Variants in SLC14A2 observed in about 807,000 individuals in gnomAD.
SLC14A2 encodes the protein urea transporter 2.
SLC14A2 carries 91 observed loss-of-function variants against 104.6 expected under a neutral mutation model. The observed-to-expected ratio is 0.87, with a 90% CI of 0.73 to 1.04. The LOEUF (loss-of-function observed/expected upper bound fraction) is 1.04, where lower values mean the gene tolerates loss of function less well. SLC14A2 is among the 50% of genes least tolerant of loss of function. The pLI, the probability that SLC14A2 is intolerant of heterozygous loss-of-function variation, is 0.00. For synonymous variants in SLC14A2, 476 were observed against 466.4 expected (o/e 1.02, Z -0.27); for missense variants, 1,189 against 1,156.0 (o/e 1.03, Z -0.41).
chr18:45,292,665 G>T (rs1288386320), intron 1 of SLC14A2, among the ~76,000 whole-genome samples: 1 of 152,160 alleles, frequency 6.6e-6, no homozygotes, highest in East Asian at 1.9e-4. Context: ...ATGGGAAATT[G>T]ATAACTCCCT....
At chr18:45,638,111 TC>T (rs1426126685) in intron 6 of SLC14A2, among the ~76,000 whole-genome samples, 3 of 152,162 alleles carry the variant, frequency 2.0e-5, no homozygotes, top group Non-Finnish European at 4.4e-5. Flanking sequence ...GGACGTGAAC[TC>T]CCCTCAGCAT....
intron 2 of SLC14A2, among the ~76,000 whole-genome samples, chr18:45,591,367 G>A (rs141642649): frequency 0.019 from 2,815 of 152,104 alleles, 89 homozygotes; most frequent in African/African-American, 0.062. Flanking sequence ...ATGGAGTCTC[G>A]CTCTGTTGCC....
At chr18:45,346,771 A>AGCCAACATGGTGAAACCCC (rs2144296198) in intron 1 of SLC14A2, among the ~76,000 whole-genome samples, 1 of 151,972 alleles carries the variant, frequency 6.6e-6, no homozygotes, top group Admixed American at 6.6e-5. Context: ...GGTGAAACCC[A>AGCCAACATGGTGAAACCCC]GCCAACATGG....
intron 1 of SLC14A2, among the ~76,000 whole-genome samples, chr18:45,259,356 T>G (rs1278044418): frequency 6.6e-6 from 1 of 152,138 alleles, no homozygotes; most frequent in African/African-American, 2.4e-5. Context: ...GAAACAGCAT[T>G]TGGATAATTC....
intron 1 of SLC14A2, among the ~76,000 whole-genome samples, chr18:45,268,469 G>A (rs2084615561): frequency 6.6e-6 from 1 of 152,228 alleles, no homozygotes; most frequent in Non-Finnish European, 1.5e-5. Context: ...CACCTTGAGT[G>A]CTTTGTTTCA....
chr18:45,669,859 C>T (rs1041389477), intron 16 of SLC14A2, among the ~76,000 whole-genome samples: 2 of 152,242 alleles, frequency 1.3e-5, no homozygotes, highest in Admixed American at 1.3e-4. Flanking sequence ...TTACAGCTTG[C>T]GTTGTGCATT....
chr18:45,679,189 C>A (rs2046276671), intron 19 of SLC14A2, among the ~76,000 whole-genome samples, 165 bp downstream of exon 19: 1 of 152,162 alleles, frequency 6.6e-6, no homozygotes, highest in Non-Finnish European at 1.5e-5. Context: ...CAGAGGGAGC[C>A]AGGCCCCAAA....
At chr18:45,262,386 T>C (rs1392793325) in intron 1 of SLC14A2, among the ~76,000 whole-genome samples, 1 of 152,058 alleles carries the variant, frequency 6.6e-6, no homozygotes, top group Non-Finnish European at 1.5e-5. Context: ...TGGGAAACAC[T>C]GTGATGTCCA....
At position 45,494,555 on chromosome 18, in the gene SLC14A2, G is replaced by A. The variant is rs1443938147; in HGVS notation, c.-35+11233G>A. On this transcript the variant is annotated intron_variant, in intron 2 of 20. Coordinates refer to the SLC14A2 transcript ENST00000586448. ...TGGGATCACAGGCACATGCCACCATGCCCAGAAAAAAAATTTTTTTTTTTT... is the reference window on the plus strand; with the variant it reads ...TGGGATCACAGGCACATGCCACCATACCCAGAAAAAAAATTTTTTTTTTTT... Among the ~76,000 whole-genome samples the A allele has an allele frequency of 3.3e-5, 5 of 151,878 alleles. No individual in the cohort carries two copies. In the East Asian group the frequency reaches 7.7e-4, roughly 23 times the overall value.
At chr18:45,558,830 C>T (rs2044165787) in intron 2 of SLC14A2, among the ~76,000 whole-genome samples, 2 of 151,478 alleles carry the variant, frequency 1.3e-5, no homozygotes, top group African/African-American at 2.4e-5. Context: ...CTCACTCTGT[C>T]GCCAGGCTGG....
chr18:45,651,500 C>T (rs996502491), intron 10 of SLC14A2, among the ~76,000 whole-genome samples: 3 of 152,188 alleles, frequency 2.0e-5, no homozygotes, highest in Admixed American at 1.3e-4. Flanking sequence ...GAGTGATAAG[C>T]AAATGGACTT....
chr18:45,340,746 A>T (rs1365217348), intron 1 of SLC14A2, among the ~76,000 whole-genome samples: 3 of 152,212 alleles, frequency 2.0e-5, no homozygotes, highest in African/African-American at 7.2e-5. Context: ...TTTGTCAGAA[A>T]GGGGATCCTG....
At chr18:45,399,870 C>T (rs1356477558) in intron 1 of SLC14A2, among the ~76,000 whole-genome samples, 2 of 152,034 alleles carry the variant, frequency 1.3e-5, no homozygotes, top group Non-Finnish European at 2.9e-5. Flanking sequence ...ACCCCATCAA[C>T]CCCCTCTTCC....
At chr18:45,515,300 A>G (rs989480195) in intron 2 of SLC14A2, 1 of 152,252 alleles carries the variant, frequency 6.6e-6, no homozygotes, top group Admixed American at 6.5e-5. Flanking sequence ...AATGAATTTT[A>G]AGGAGCAATG....
intron 1 of SLC14A2, among the ~76,000 whole-genome samples, chr18:45,345,018 T>G (rs1391136062): frequency 6.6e-6 from 1 of 152,116 alleles, no homozygotes; most frequent in African/African-American, 2.4e-5. Flanking sequence ...CTGAAGAAAG[T>G]GTTGGACGTG....
At chr18:45,265,103 AC>A (rs749005231) in intron 1 of SLC14A2, among the ~76,000 whole-genome samples, 3 of 152,056 alleles carry the variant, frequency 2.0e-5, no homozygotes, top group Non-Finnish European at 2.9e-5. Context: ...TGGTCCACTC[AC>A]CCATTAAAAA....
intron 1 of SLC14A2, among the ~76,000 whole-genome samples, chr18:45,285,487 G>A (rs568200666): frequency 2.0e-4 from 30 of 152,096 alleles, no homozygotes; most frequent in East Asian, 1.5e-3. Context: ...GTGCAATCTC[G>A]GCTCACCGCA....
intron 10 of SLC14A2, among the ~76,000 whole-genome samples, chr18:45,649,486 C>A (rs8092658): frequency 0.28 from 43,128 of 152,168 alleles, 7,398 homozygotes; most frequent in Middle Eastern, 0.44. Flanking sequence ...ACATTCCCAG[C>A]CATTCTATCA....
At chr18:45,407,984 G>A (rs945162927) in intron 1 of SLC14A2, among the ~76,000 whole-genome samples, 2 of 152,174 alleles carry the variant, frequency 1.3e-5, no homozygotes, top group African/African-American at 4.8e-5. Context: ...TGAAGTGAGT[G>A]CATGCTGTTG....
Sources: gnomAD v4.1 joint callset for allele counts (sites outside exome capture counted in the v4.1 genomes callset) on GRCh38, gnomAD v4.1.1 for gene constraint, MANE v1.5 for transcripts, NCBI Gene and HGNC (gene_info 2026-07-23, HGNC 2026-07-21) for gene names.